Variants in ECE1 observed in about 807,000 individuals in gnomAD.
ECE1 encodes the protein endothelin converting enzyme 1, also known as endothelin-converting enzyme 1.
In ECE1, 35 loss-of-function variants were observed where a neutral mutation model predicts 98.6. That is an observed-to-expected ratio of 0.35 (90% CI 0.27 to 0.47). ECE1 has a LOEUF of 0.47. Ranked by LOEUF, ECE1 falls within the 20% of genes least tolerant of loss-of-function variation. The pLI is 1.00. For synonymous variants in ECE1, 394 were observed against 407.1 expected (o/e 0.97, Z 0.39); for missense variants, 814 against 1,025.3 (o/e 0.79, Z 2.81).
At chr1:21,333,351 T>G (rs1037568478) in intron 1 of ECE1, among the ~76,000 whole-genome samples, 3,526 of 106,758 alleles carry the variant, frequency 0.033, 32 homozygotes, top group Admixed American at 0.081. Flanking sequence ...GGCGGGGGGG[T>G]GGGTGGGTAG....
chr1:21,345,464 C>G lies in ECE1; in HGVS notation c.-86G>C. The G allele has an allele frequency of 1.7e-6, 2 of 1,196,076 alleles. No individual in the cohort carries two copies. Among genetic ancestry groups the G allele is most frequent in the Non-Finnish European group, 2.1e-6 (2 of 941,632 alleles). The allele number at this position is 1,196,076 out of a possible 1,614,324, so 74.1% of individuals were successfully genotyped here. ...TCCGGGTTCCCTGCTCCCAGCCCAG[C>G]TGCTCGGACGGCTCGGCTGCCTGGC... On this transcript the variant is annotated 5_prime_UTR_variant, in exon 1 of 19. Transcript: ENST00000415912. The surrounding 1 kb of genome is among the most constrained non-coding windows in gnomAD (Gnocchi z 5.1).
intron 1 of ECE1, among the ~76,000 whole-genome samples, chr1:21,329,316 T>G (rs1639145823): frequency 6.6e-6 from 1 of 152,212 alleles, no homozygotes; most frequent in Admixed American, 6.5e-5. Context: ...TGCAACCTTA[T>G]GCTTGCTACC....
Position 21,225,575 on chromosome 1 carries a change from C to T in ECE1, c.1850-135G>A. ...CAGCCACCATGGGGAGACGAGGTCC[C>T]TGTGAGTGCCGAGGGACGTGGATGT... On this transcript the variant is annotated intron_variant, in intron 16 of 18. Transcript: ENST00000374893. This position sits in a 1 kb window ranked among gnomAD's most constrained non-coding sequence, Gnocchi z 5.3. 1 of 988,096 alleles carries T rather than the reference C, an allele frequency of 1.0e-6. No individual in the cohort carries two copies. Among genetic ancestry groups the T allele is most frequent in the Admixed American group, 2.2e-5 (1 of 44,582 alleles). 61.2% of individuals were successfully genotyped at this position (988,096 alleles called of 1,614,324 possible).
chr1:21,259,360 TGGGCTCA>T (rs1395067396), intron 5 of ECE1, among the ~76,000 whole-genome samples: 3 of 152,128 alleles, frequency 2.0e-5, no homozygotes, highest in Non-Finnish European at 4.4e-5. Context: ...CTCCACCTCC[TGGGCTCA>T]GGTGATTGTC....
chr1:21,279,371 G>A (rs1558409567), intron 2 of ECE1, 39 bp from the exon 3 acceptor site: 1 of 1,613,720 alleles, frequency 6.2e-7, no homozygotes, highest in Non-Finnish European at 8.5e-7. Context: ...GAAGACGTGA[G>A]CCCCGGGCCC....
At chr1:21,301,619 C>T (rs1450677416) in intron 1 of ECE1, among the ~76,000 whole-genome samples, 1 of 151,910 alleles carries the variant, frequency 6.6e-6, no homozygotes, top group East Asian at 1.9e-4. Flanking sequence ...GAGAGAGCAG[C>T]CTGGGCAACA....
At chr1:21,247,176 GCTGT>G (rs756492303) in intron 9 of ECE1, 41 bp downstream of exon 9, 1 of 1,613,620 alleles carries the variant, frequency 6.2e-7, no homozygotes, top group East Asian at 2.2e-5. Context: ...CAAGAAGAGG[GCTGT>G]CTGTGAGAGG....
chr1:21,233,331 A>G lies in ECE1; in HGVS notation c.1670+227T>C, dbSNP rs2098184131. On this transcript the variant is annotated intron_variant, in intron 14 of 18. Coordinates refer to ENST00000374893, the MANE Select transcript of ECE1 (RefSeq NM_001397.3). This position sits in a 1 kb window ranked among gnomAD's most constrained non-coding sequence, Gnocchi z 4.0. Reference sequence around the variant, plus strand: ...TCCAGAGGCCAGGCTCACCCTGCCAACAGGCTGGGCAGGCTCAAGCCCATC... The same window carrying G: ...TCCAGAGGCCAGGCTCACCCTGCCAGCAGGCTGGGCAGGCTCAAGCCCATC... 2.0e-6 allele frequency: 1 copy of G among 498,072 alleles called. No individual in the cohort carries two copies. The allele number at this position is 498,072 out of a possible 1,614,324, so 30.9% of individuals were successfully genotyped here.
At chr1:21,297,693 T>C (rs1333079994) in intron 1 of ECE1, among the ~76,000 whole-genome samples, 2 of 149,816 alleles carry the variant, frequency 1.3e-5, no homozygotes, top group African/African-American at 2.4e-5. Context: ...CCCGCCACCA[T>C]GCCCGGCTAA....
At chr1:21,306,470 G>T (rs530468348) in intron 1 of ECE1, among the ~76,000 whole-genome samples, 9 of 152,070 alleles carry the variant, frequency 5.9e-5, no homozygotes, top group Admixed American at 3.9e-4. Flanking sequence ...TTGAGTAGCT[G>T]GGATTACAGG....
At position 21,333,111 on chromosome 1, in the gene ECE1, A is replaced by G. The variant is rs553395814; in HGVS notation, c.3+12265T>C. On this transcript the variant is annotated intron_variant, in intron 1 of 18. Transcript: ENST00000415912. ...GCTAAAAGTCCTTGGTGACAATTCA[A>G]TGGCAGATCCAGGGTTCAAGCTCAA... is the stretch of plus-strand genomic sequence containing the variant. Among the ~76,000 whole-genome samples, 6 of 152,288 alleles carry G rather than the reference A, an allele frequency of 3.9e-5. No individual in the cohort carries two copies. The South Asian group carries it at 1.2e-3, about 32-fold the overall frequency.
In ECE1 at chr1:21,258,129, T is replaced by A. The variant is rs1418412360; in HGVS notation, c.763-539A>T. Among the ~76,000 whole-genome samples, 4 of 152,314 alleles carry A rather than the reference T, an allele frequency of 2.6e-5. No homozygotes were observed. Among genetic ancestry groups the A allele is most frequent in the East Asian group, 1.9e-4 (1 of 5,176 alleles). ...ATCTTGGCATACCTAGGACAGGTGT[T>A]ATTGCAATCCATTTGATTTATAAGG... On this transcript the variant is annotated intron_variant, in intron 6 of 18. Coordinates refer to ENST00000374893, the MANE Select transcript of ECE1 (RefSeq NM_001397.3). This position sits in a 1 kb window ranked among gnomAD's most constrained non-coding sequence, Gnocchi z 4.2.
intron 10 of ECE1, among the ~76,000 whole-genome samples, chr1:21,240,039 C>A (rs767356351): frequency 1.3e-5 from 2 of 151,978 alleles, no homozygotes; most frequent in Non-Finnish European, 2.9e-5. Flanking sequence ...GGCGTGGTGG[C>A]ACATGCCTGT....
intron 1 of ECE1, among the ~76,000 whole-genome samples, chr1:21,302,688 T>G (rs902548572): frequency 4.6e-5 from 7 of 152,200 alleles, no homozygotes; most frequent in African/African-American, 1.7e-4. Flanking sequence ...CCAGAAGTCC[T>G]GGCATGAGTT....
intron 8 of ECE1, among the ~76,000 whole-genome samples, chr1:21,252,741 G>T (rs1370925328): frequency 6.6e-6 from 1 of 152,244 alleles, no homozygotes; most frequent in East Asian, 1.9e-4. Flanking sequence ...AAGTTACCTG[G>T]AGTATGGGAA....
intron 14 of ECE1, among the ~76,000 whole-genome samples, chr1:21,231,368 G>GTC (rs2098181531): frequency 6.6e-6 from 1 of 152,046 alleles, no homozygotes; most frequent in Non-Finnish European, 1.5e-5. Context: ...TTGAGATGGA[G>GTC]TCTCACTCTG....
At chr1:21,231,715 T>C (rs1195490821) in intron 14 of ECE1, among the ~76,000 whole-genome samples, 1 of 152,082 alleles carries the variant, frequency 6.6e-6, no homozygotes, top group Non-Finnish European at 1.5e-5. Context: ...AGTGCAGTGG[T>C]ACAACTGTAG....
At chr1:21,337,198 C>G (rs1430346980) in intron 1 of ECE1, among the ~76,000 whole-genome samples, 2 of 152,212 alleles carry the variant, frequency 1.3e-5, no homozygotes, top group African/African-American at 4.8e-5. Flanking sequence ...ACCCAAATGT[C>G]AGCCACGGAC....
rs913599374 is a variant in ECE1 at position 21,307,262 on chromosome 1, T to C, written c.4-17106A>G. ...ATTCACTTTTGCTCTTCACAGCGAC[T>C]CTGGGGGGCTGGAGCTAGCATCTCC... On this transcript the variant is annotated intron_variant, in intron 1 of 18. Transcript: ENST00000415912. This position sits in a 1 kb window ranked among gnomAD's most constrained non-coding sequence, Gnocchi z 4.2. Among the ~76,000 whole-genome samples, 7 of 152,210 alleles carry C rather than the reference T, an allele frequency of 4.6e-5. No homozygotes were observed. Among genetic ancestry groups the C allele is most frequent in the Non-Finnish European group, 1.0e-4 (7 of 68,034 alleles).
Sources: allele counts gnomAD v4.1 joint callset (sites outside exome capture counted in the v4.1 genomes callset), GRCh38; gene constraint gnomAD v4.1.1; non-coding constraint Gnocchi (gnomAD v3.1); transcripts MANE v1.5; gene names NCBI Gene and HGNC (gene_info 2026-07-23, HGNC 2026-07-21).